The following SUPT3H variants were observed in gnomAD, a reference collection of about 807,000 sequenced individuals.
SUPT3H encodes SPT3 homolog, SAGA and STAGA complex component.
Under a neutral mutation model 44.3 loss-of-function variants are expected in SUPT3H, and 44 were observed. The ratio of observed to expected loss-of-function variants is 0.99; its 90% CI spans 0.78 to 1.28. SUPT3H has a LOEUF of 1.28. SUPT3H is among the 50% of genes most tolerant of loss of function. The pLI is 0.00. For synonymous variants in SUPT3H, 124 were observed against 125.6 expected, an observed-to-expected ratio of 0.99 and a Z score of 0.09; for missense variants, 380 against 387.1, an observed-to-expected ratio of 0.98 and a Z score of 0.15.
rs112507066 is a variant in SUPT3H at position 45,036,020 on chromosome 6, G to A, written c.187-15388C>T. On this transcript the variant is annotated intron_variant, in intron 3 of 10. Coordinates refer to ENST00000371459, the MANE Select transcript of SUPT3H (RefSeq NM_003599.4). ...ATTATAATTCCTAGGCACAATGGAT[G>A]AAAAGAGACCATACCAAGTCACATT... Among the ~76,000 whole-genome samples, 1,377 of 152,196 alleles carry A rather than the reference G, an allele frequency of 9.0e-3. 16 individuals carry two copies. Among genetic ancestry groups the A allele is most frequent in the South Asian group, 0.028 (137 of 4,826 alleles).
chr6:45,186,229 A>T (rs1026760015), intron 2 of SUPT3H, among the ~76,000 whole-genome samples: 1 of 152,152 alleles, frequency 6.6e-6, no homozygotes, highest in African/African-American at 2.4e-5. Context: ...ACAACAACAA[A>T]AAACATTCAA....
chr6:45,330,722 T>TC (rs1787304505), intron 2 of SUPT3H, among the ~76,000 whole-genome samples: 1 of 151,832 alleles, frequency 6.6e-6, no homozygotes, highest in African/African-American at 2.4e-5. Context: ...AGTGAACCTT[T>TC]TTTTTTTCCA....
chr6:44,918,608 T>C (rs570463286), intron 10 of SUPT3H, among the ~76,000 whole-genome samples: 2 of 152,250 alleles, frequency 1.3e-5, no homozygotes, highest in South Asian at 4.1e-4. Flanking sequence ...ACCAATAAGA[T>C]GATTTAGAGG....
chr6:45,268,858 A>T (rs927682835), intron 2 of SUPT3H, among the ~76,000 whole-genome samples: 1 of 152,224 alleles, frequency 6.6e-6, no homozygotes, highest in East Asian at 1.9e-4. Context: ...ATTATTAAAG[A>T]TTTAATGAAT....
chr6:45,318,738 A>G (rs1200233552), intron 2 of SUPT3H, among the ~76,000 whole-genome samples: 2 of 152,078 alleles, frequency 1.3e-5, no homozygotes, highest in African/African-American at 4.8e-5. Flanking sequence ...CATCTTTAGG[A>G]TTTCTCAATT....
At chr6:45,176,931 T>G (rs1427112630) in intron 2 of SUPT3H, among the ~76,000 whole-genome samples, 1 of 152,012 alleles carries the variant, frequency 6.6e-6, no homozygotes, top group Admixed American at 6.6e-5. Flanking sequence ...ATCAGCATCA[T>G]CAAAGACCAA....
chr6:44,959,981 C>T (rs748373675), intron 7 of SUPT3H, among the ~76,000 whole-genome samples: 1 of 152,066 alleles, frequency 6.6e-6, no homozygotes, highest in Non-Finnish European at 1.5e-5. Flanking sequence ...GATTTCCCCA[C>T]CAAGGTTTCA....
chr6:45,312,740 G>C (rs1057239359), intron 2 of SUPT3H, among the ~76,000 whole-genome samples: 2 of 147,732 alleles, frequency 1.4e-5, no homozygotes, highest in African/African-American at 2.5e-5. Flanking sequence ...CAACAAGACA[G>C]TCAACAAAGA....
At chr6:44,891,714 T>G (rs718112) in intron 10 of SUPT3H, among the ~76,000 whole-genome samples, 69,822 of 151,656 alleles carry the variant, frequency 0.46, 16,460 homozygotes, top group Admixed American at 0.55. Context: ...TGTACTGAAT[T>G]CCACTGAATG....
At chr6:45,268,974 G>C (rs2153660844) in intron 2 of SUPT3H, among the ~76,000 whole-genome samples, 1 of 152,228 alleles carries the variant, frequency 6.6e-6, no homozygotes, top group African/African-American at 2.4e-5. Flanking sequence ...GTGTCATGCA[G>C]AGCTTTATGA....
intron 1 of SUPT3H, among the ~76,000 whole-genome samples, chr6:45,366,577 T>C (rs539767330): frequency 4.6e-5 from 7 of 152,290 alleles, no homozygotes; most frequent in African/African-American, 1.4e-4. Context: ...GCTAAAAACT[T>C]TTATATAAAT....
At chr6:44,915,616 T>C (rs1582469167) in intron 10 of SUPT3H, among the ~76,000 whole-genome samples, 1 of 152,182 alleles carries the variant, frequency 6.6e-6, no homozygotes, top group Non-Finnish European at 1.5e-5. Context: ...AAGAAACATT[T>C]ACACTCTATT....
At chr6:45,013,909 C>T (rs1286663667) in intron 5 of SUPT3H, among the ~76,000 whole-genome samples, 1 of 152,054 alleles carries the variant, frequency 6.6e-6, no homozygotes, top group Non-Finnish European at 1.5e-5. Context: ...GGTTTAAATG[C>T]AACAGACTCT....
intron 2 of SUPT3H, among the ~76,000 whole-genome samples, chr6:45,333,023 C>T (rs1440310645): frequency 1.3e-5 from 2 of 151,700 alleles, no homozygotes; most frequent in Non-Finnish European, 3.0e-5. Context: ...ACAATGAACT[C>T]CAATACTTGG....
intron 3 of SUPT3H, among the ~76,000 whole-genome samples, chr6:45,041,187 A>G (rs12527668): frequency 0.12 from 17,969 of 152,274 alleles, 1,398 homozygotes; most frequent in East Asian, 0.26. Context: ...AAATAAATGA[A>G]ATATTTACAA....
intron 2 of SUPT3H, among the ~76,000 whole-genome samples, chr6:45,150,792 G>A (rs1338843934): frequency 7.4e-6 from 1 of 135,662 alleles, no homozygotes; most frequent in Non-Finnish European, 1.5e-5. Context: ...GCACAATCTC[G>A]GCTCACTGCA....
intron 3 of SUPT3H, among the ~76,000 whole-genome samples, chr6:45,043,044 G>T (rs1788788905): frequency 6.6e-6 from 1 of 151,688 alleles, no homozygotes; most frequent in Admixed American, 6.6e-5. Context: ...AAGCAATATA[G>T]CATACATGAA....
At chr6:45,285,376 A>G (rs917375146) in intron 2 of SUPT3H, among the ~76,000 whole-genome samples, 2 of 152,214 alleles carry the variant, frequency 1.3e-5, no homozygotes, top group Non-Finnish European at 2.9e-5. Flanking sequence ...CCTTAAGCTG[A>G]TTGTCAACTG....
At chr6:45,339,947 T>C (rs1306044081) in intron 2 of SUPT3H, among the ~76,000 whole-genome samples, 1 of 152,188 alleles carries the variant, frequency 6.6e-6, no homozygotes, top group Non-Finnish European at 1.5e-5. Flanking sequence ...ACAACTCCCT[T>C]ATATGAGACA....
Sources: allele counts gnomAD v4.1 joint callset (sites outside exome capture counted in the v4.1 genomes callset), GRCh38; gene constraint gnomAD v4.1.1; transcripts MANE v1.5; gene names NCBI Gene and HGNC (gene_info 2026-07-23, HGNC 2026-07-21).